The following ENOX1 variants were observed in gnomAD, a reference collection of about 807,000 sequenced individuals.
The protein encoded by ENOX1 is ecto-NOX disulfide-thiol exchanger 1.
Under a neutral mutation model 82.5 loss-of-function variants are expected in ENOX1, and 42 were observed. The observed-to-expected ratio is 0.51, with a 90% CI of 0.40 to 0.66. The LOEUF is 0.66. ENOX1 is among the 30% of genes least tolerant of loss of function. The probability of loss-of-function intolerance (pLI) is 0.00; values close to 1 mark genes in which losing one functional copy is unlikely to be tolerated. For synonymous variants in ENOX1, 271 were observed against 282.2 expected (o/e 0.96, Z 0.40); for missense variants, 608 against 811.6 (o/e 0.75, Z 3.05).
chr13:43,360,103 C>T (rs1258298856), intron 6 of ENOX1, 46 bp from the exon 7 acceptor site: 1 of 1,573,218 alleles, frequency 6.4e-7, no homozygotes, highest in Admixed American at 1.7e-5. Flanking sequence ...CATTTATTTG[C>T]TTTCTCTGGT....
At chr13:43,513,897 T>G (rs2077464721) in intron 2 of ENOX1, among the ~76,000 whole-genome samples, 1 of 152,180 alleles carries the variant, frequency 6.6e-6, no homozygotes. Context: ...ACTATGATTC[T>G]GCATTAATTT....
chr13:43,491,050 T>C (rs892761855), intron 2 of ENOX1, among the ~76,000 whole-genome samples: 1 of 152,200 alleles, frequency 6.6e-6, no homozygotes, highest in Non-Finnish European at 1.5e-5. Flanking sequence ...CTTATGGTTC[T>C]TCAGCCTATA....
chr13:43,576,130 T>C (rs1232718055), intron 2 of ENOX1, among the ~76,000 whole-genome samples: 3 of 152,218 alleles, frequency 2.0e-5, no homozygotes, highest in Admixed American at 6.5e-5. Context: ...CCAGAGTTAA[T>C]TGTTTAAGAA....
chr13:43,344,506 A>G, intron 9 of ENOX1, 32 bp downstream of exon 9: 1 of 1,564,182 alleles, frequency 6.4e-7, no homozygotes. Context: ...CAAAATCACA[A>G]CAAAAGAGAT....
intron 2 of ENOX1, among the ~76,000 whole-genome samples, chr13:43,577,813 C>T (rs1307594899): frequency 1.3e-5 from 2 of 152,170 alleles, no homozygotes; most frequent in African/African-American, 4.8e-5. Context: ...CCCTAGATGG[C>T]TCTTCAAACT....
At chr13:43,617,873 C>A (rs1201974807) in intron 2 of ENOX1, among the ~76,000 whole-genome samples, 1 of 132,054 alleles carries the variant, frequency 7.6e-6, no homozygotes, top group Admixed American at 8.2e-5. Context: ...TCACTGCATC[C>A]ACGTCAACAT....
At chr13:43,430,220 T>C (rs1330410281) in intron 3 of ENOX1, among the ~76,000 whole-genome samples, 1 of 152,178 alleles carries the variant, frequency 6.6e-6, no homozygotes, top group African/African-American at 2.4e-5. Flanking sequence ...GAAGCTAACT[T>C]CAACAGTCTA....
chr13:43,626,649 G>A (rs958823864), intron 2 of ENOX1, among the ~76,000 whole-genome samples: 2 of 151,764 alleles, frequency 1.3e-5, no homozygotes, highest in African/African-American at 4.8e-5. Flanking sequence ...TTGGATCAGA[G>A]AACATACTCT....
intron 2 of ENOX1, among the ~76,000 whole-genome samples, chr13:43,613,319 A>G (rs61960062): frequency 0.23 from 34,305 of 152,136 alleles, 4,241 homozygotes; most frequent in Non-Finnish European, 0.29. Flanking sequence ...TGACTCAACT[A>G]TTGGGTACAA....
At chr13:43,328,856 TGTTAGCTACCA>T (rs2048266754) in intron 9 of ENOX1, among the ~76,000 whole-genome samples, 1 of 152,262 alleles carries the variant, frequency 6.6e-6, no homozygotes, top group African/African-American at 2.4e-5. Flanking sequence ...TCTGGATTCC[TGTTAGCTACCA>T]GGAACTTGAT....
chr13:43,414,090 T>C (rs1050743280), intron 3 of ENOX1, among the ~76,000 whole-genome samples: 3 of 152,214 alleles, frequency 2.0e-5, no homozygotes, highest in African/African-American at 4.8e-5. Context: ...GAACCTTTTA[T>C]GGCATGTCTT....
chr13:43,329,444 A>G lies in ENOX1; in HGVS notation c.1037-2919T>C, dbSNP rs1005043989. Among the ~76,000 whole-genome samples the G allele has an allele frequency of 1.3e-4, 20 of 152,264 alleles. No individual in the cohort carries two copies. The East Asian group carries it at 3.3e-3, about 25-fold the overall frequency. On this transcript the variant is annotated intron_variant, in intron 9 of 16. Transcript: ENST00000690772. ...GGAGCTGGTAAGTACATCCCAAACTATGAGAACAAGCATCGGTGGAGGGCT... is the reference window on the plus strand; with the variant it reads ...GGAGCTGGTAAGTACATCCCAAACTGTGAGAACAAGCATCGGTGGAGGGCT...
chr13:43,443,377 T>C (rs1298996336), intron 3 of ENOX1, among the ~76,000 whole-genome samples: 1 of 152,188 alleles, frequency 6.6e-6, no homozygotes, highest in African/African-American at 2.4e-5. Flanking sequence ...TTCAGGAAAT[T>C]TCAGAAGACT....
intron 2 of ENOX1, among the ~76,000 whole-genome samples, chr13:43,491,039 G>C (rs1438405290): frequency 1.3e-5 from 2 of 152,080 alleles, no homozygotes; most frequent in African/African-American, 4.8e-5. Context: ...ATTTATTTTG[G>C]CTTATGGTTC....
At chr13:43,610,294 T>C (rs2082143582) in intron 2 of ENOX1, among the ~76,000 whole-genome samples, 1 of 152,210 alleles carries the variant, frequency 6.6e-6, no homozygotes, top group South Asian at 2.1e-4. Flanking sequence ...ATTACATGCA[T>C]GGGAGCACTT....
intron 1 of ENOX1, among the ~76,000 whole-genome samples, chr13:43,695,535 T>A (rs1295339939): frequency 1.3e-5 from 2 of 148,196 alleles, no homozygotes. Context: ...GCAACCTCCA[T>A]CTCCCGAGTT....
chr13:43,470,259 T>TACATATATATACACATATATATAC (rs1177367967), intron 3 of ENOX1, among the ~76,000 whole-genome samples: 3 of 60,182 alleles, frequency 5.0e-5, no homozygotes, highest in East Asian at 5.0e-4. Context: ...CATATATATA[T>TACATATATATACACATATATATAC]ACATATATAT....
At chr13:43,236,763 A>G in intron 14 of ENOX1, 25 bp from the exon 15 acceptor site, 1 of 1,423,962 alleles carries the variant, frequency 7.0e-7, no homozygotes, top group Non-Finnish European at 9.6e-7. Flanking sequence ...GCCAAAAACC[A>G]TATATGGGTT....
chr13:43,670,064 C>A (rs1048511381), intron 1 of ENOX1, among the ~76,000 whole-genome samples: 6 of 152,266 alleles, frequency 3.9e-5, no homozygotes, highest in Non-Finnish European at 7.3e-5. Context: ...CTGAAACACG[C>A]TTCATTACCA....
Sources: gnomAD v4.1 joint callset for allele counts (sites outside exome capture counted in the v4.1 genomes callset) on GRCh38, gnomAD v4.1.1 for gene constraint, MANE v1.5 for transcripts, NCBI Gene and HGNC (gene_info 2026-07-23, HGNC 2026-07-21) for gene names.